Variants in DAAM2 observed in about 807,000 individuals in gnomAD.
DAAM2 encodes the protein dishevelled associated activator of morphogenesis 2, also known as disheveled-associated activator of morphogenesis 2.
Under a neutral mutation model 120.7 loss-of-function variants are expected in DAAM2, and 39 were observed. That is an observed-to-expected ratio of 0.32 (90% CI 0.25 to 0.42). The LOEUF (loss-of-function observed/expected upper bound fraction) is 0.42. Among genes scored for constraint, DAAM2 ranks in the 10% least tolerant of loss-of-function variants. The pLI is 1.00. For synonymous variants in DAAM2, 488 were observed against 524.9 expected (o/e 0.93, Z 0.96); for missense variants, 1,283 against 1,401.7 (o/e 0.92, Z 1.35).
intron 9 of DAAM2, 123 bp from the exon 10 acceptor site, chr6:39,873,115 A>G: frequency 1.5e-6 from 1 of 664,458 alleles, no homozygotes; most frequent in South Asian, 1.8e-5. Context: ...AGCCTGGGCC[A>G]GAGGCAGGGG....
intron 17 of DAAM2, among the ~76,000 whole-genome samples, chr6:39,891,090 T>TA (rs11321886): frequency 0.5 from 68,700 of 138,384 alleles, 16,704 homozygotes; most frequent in East Asian, 0.6. Context: ...GAGACCCTAT[T>TA]AAAAAAAAAA....
intron 1 of DAAM2, among the ~76,000 whole-genome samples, chr6:39,843,632 T>C (rs1763441020): frequency 6.6e-6 from 1 of 152,182 alleles, no homozygotes; most frequent in Non-Finnish European, 1.5e-5. Context: ...AAGATGGCAA[T>C]AGCAGAGCTT....
intron 1 of DAAM2, among the ~76,000 whole-genome samples, chr6:39,809,334 G>T (rs1012473618): frequency 5.3e-5 from 8 of 152,254 alleles, no homozygotes; most frequent in African/African-American, 1.9e-4. Flanking sequence ...CTAGTTCATT[G>T]CTCTTCCGTG....
At chr6:39,842,372 G>T (rs538488396) in intron 1 of DAAM2, among the ~76,000 whole-genome samples, 1 of 152,132 alleles carries the variant, frequency 6.6e-6, no homozygotes, top group Non-Finnish European at 1.5e-5. Flanking sequence ...TGGCTCATGC[G>T]TGTAATCCCA....
chr6:39,879,601 CA>C, intron 14 of DAAM2, 124 bp downstream of exon 14: 1 of 1,303,498 alleles, frequency 7.7e-7, no homozygotes, highest in East Asian at 2.3e-5. Flanking sequence ...GGGGTAAGGG[CA>C]GTCATGTGGA....
chr6:39,850,552 G>A (rs1397703355), intron 1 of DAAM2, among the ~76,000 whole-genome samples: 1 of 152,118 alleles, frequency 6.6e-6, no homozygotes, highest in African/African-American at 2.4e-5. Context: ...GCTAGAAGCT[G>A]GTCAAAAGCA....
chr6:39,812,725 C>G (rs1371748817), intron 1 of DAAM2, among the ~76,000 whole-genome samples: 2 of 152,130 alleles, frequency 1.3e-5, no homozygotes, highest in East Asian at 3.9e-4. Flanking sequence ...ACCCTCCCCT[C>G]TGTTGCAAAC....
At chr6:39,820,096 G>C (rs1478513328) in intron 1 of DAAM2, 1 of 150,316 alleles carries the variant, frequency 6.7e-6, no homozygotes, top group African/African-American at 2.4e-5. Flanking sequence ...TGGAAAGATG[G>C]CAAAGACTGC....
At chr6:39,838,477 G>C (rs1763193270) in intron 1 of DAAM2, among the ~76,000 whole-genome samples, 1 of 152,138 alleles carries the variant, frequency 6.6e-6, no homozygotes, top group Non-Finnish European at 1.5e-5. Context: ...GGGAATTGTA[G>C]GGAGAGTGGG....
intron 3 of DAAM2, chr6:39,862,926 T>A (rs1764275211): frequency 6.6e-6 from 1 of 150,624 alleles, no homozygotes; most frequent in Non-Finnish European, 1.5e-5. Context: ...CCTTCCCACA[T>A]GGCACTTCCT....
At chr6:39,864,881 C>T in intron 4 of DAAM2, 99 bp from the exon 5 acceptor site, 1 of 1,465,346 alleles carries the variant, frequency 6.8e-7, no homozygotes, top group South Asian at 1.3e-5. Flanking sequence ...TCCCTGAGGC[C>T]TCACCCTTTC....
chr6:39,856,329 T>C lies in DAAM2; in HGVS notation c.27T>C (p.His9=), dbSNP rs11965120. MAPRKRSH[H]GLGFLCCFGG... is the part of the protein sequence containing the mutation. ...TGGCCCCCCGCAAGAGGAGCCACCATGGCCTGGGCTTCCTGTGCTGCTTCG... is the reference window on the plus strand; with the variant it reads ...TGGCCCCCCGCAAGAGGAGCCACCACGGCCTGGGCTTCCTGTGCTGCTTCG... The change falls in exon 2 of 25, where the codon CAT becomes CAC. Residue 9 remains histidine, a synonymous_variant. Coordinates refer to ENST00000274867, the MANE Select transcript of DAAM2 (RefSeq NM_001201427.2). 0.014 allele frequency: 21,651 copies of C among 1,548,998 alleles called. 288 individuals are homozygous for C. The highest frequency in any genetic ancestry group is 0.073 in the East Asian group (2,945 of 40,078).
chr6:39,864,325 G>C, intron 3 of DAAM2, 108 bp from the exon 4 acceptor site: 1 of 800,920 alleles, frequency 1.2e-6, no homozygotes, highest in Non-Finnish European at 2.0e-6. Context: ...ACCCGACATG[G>C]GCAGAGCTGA....
intron 16 of DAAM2, chr6:39,888,432 A>G (rs1765503145): frequency 2.9e-6 from 1 of 342,892 alleles, no homozygotes. Flanking sequence ...TGCCCCTATC[A>G]GCTCTGATGG....
chr6:39,818,127 C>T (rs9462568), intron 1 of DAAM2, among the ~76,000 whole-genome samples: 51,586 of 147,390 alleles, frequency 0.35, 10,340 homozygotes, highest in Non-Finnish European at 0.46. Flanking sequence ...TGCAGCGAGC[C>T]GAGGTGGCGT....
In DAAM2 at chr6:39,878,120, G is replaced by A. The variant is rs543541849; in HGVS notation, c.1302-83G>A. 436 of 1,480,902 alleles carry A rather than the reference G, an allele frequency of 2.9e-4. No individual in the cohort carries two copies. The highest frequency in any genetic ancestry group is 3.8e-4 in the Non-Finnish European group (407 of 1,073,596). The allele number at this position is 1,480,902 out of a possible 1,614,324, so 91.7% of individuals were successfully genotyped here. ...GATTGGAGACCAGGGTCCCCACCTGGAGGGTAGAAAGATGATGTCTCCTGG... is the reference window on the plus strand; with the variant it reads ...GATTGGAGACCAGGGTCCCCACCTGAAGGGTAGAAAGATGATGTCTCCTGG... On this transcript the variant is annotated intron_variant, in intron 11 of 24. Coordinates refer to ENST00000274867, the MANE Select transcript of DAAM2 (RefSeq NM_001201427.2). This position sits in a 1 kb window ranked among gnomAD's most constrained non-coding sequence, Gnocchi z 5.0.
chr6:39,809,156 C>T (rs182985074), intron 1 of DAAM2, among the ~76,000 whole-genome samples: 41 of 152,272 alleles, frequency 2.7e-4, no homozygotes, highest in Non-Finnish European at 5.3e-4. Flanking sequence ...GGAGTGGTGT[C>T]GTCAGAGCTC....
In DAAM2 at chr6:39,904,376, CTGAG is replaced by C. The variant is rs954578830; in HGVS notation, c.*2341_*2344del. ...CCTTGGACCATGGACTCATACTCAA[CTGAG>C]TAAGAAGGGGCTGGTGCCCAGTCGG... On this transcript the variant is annotated 3_prime_UTR_variant, in exon 25 of 25. Transcript: ENST00000274867. 1.5e-5 allele frequency: 7 copies of C among 456,476 alleles called. No homozygotes were observed. The highest frequency in any genetic ancestry group is 1.4e-4 in the Admixed American group (6 of 42,562). 28.3% of individuals were successfully genotyped at this position (456,476 alleles called of 1,614,324 possible).
At chr6:39,871,908 A>C (rs1371812394) in intron 9 of DAAM2, among the ~76,000 whole-genome samples, 1 of 152,236 alleles carries the variant, frequency 6.6e-6, no homozygotes, top group East Asian at 1.9e-4. Context: ...GGGCCTGAGA[A>C]CATAAGGGGC....
Sources: allele counts gnomAD v4.1 joint callset (sites outside exome capture counted in the v4.1 genomes callset), GRCh38; gene constraint gnomAD v4.1.1; non-coding constraint Gnocchi (gnomAD v3.1); transcripts MANE v1.5; gene names NCBI Gene and HGNC (gene_info 2026-07-23, HGNC 2026-07-21).